NCAM2: variants seen among roughly 807,000 people sequenced by gnomAD.
NCAM2 encodes the protein N-CAM-2.
Under a neutral mutation model 98.1 loss-of-function variants are expected in NCAM2, and 30 were observed. The observed-to-expected ratio is 0.31, with a 90% CI of 0.23 to 0.41. The LOEUF (loss-of-function observed/expected upper bound fraction) is 0.41, where lower values mean the gene tolerates loss of function less well. NCAM2 is among the 10% of genes least tolerant of loss of function. NCAM2 has a pLI of 1.00. For missense variants in NCAM2, 867 were observed against 1,005.8 expected (o/e 0.86, Z 1.87); for synonymous variants, 368 against 342.4 (o/e 1.07, Z -0.83).
intron 1 of NCAM2, among the ~76,000 whole-genome samples, chr21:21,050,945 A>C (rs1363900707): frequency 6.6e-6 from 1 of 152,208 alleles, no homozygotes; most frequent in African/African-American, 2.4e-5. Flanking sequence ...AGCATGATAC[A>C]TTTGATTTCC....
intron 6 of NCAM2, among the ~76,000 whole-genome samples, chr21:21,327,937 A>G (rs2074563333): frequency 6.6e-6 from 1 of 152,228 alleles, no homozygotes; most frequent in South Asian, 2.1e-4. Flanking sequence ...AGTGACTCTA[A>G]AGGTTCCCCC....
In NCAM2 at chr21:21,537,881, C is replaced by T; in HGVS notation, c.2438C>T (p.Ala813Val). The T allele has an allele frequency of 6.3e-7, 1 of 1,575,284 alleles. No individual in the cohort carries two copies. Among genetic ancestry groups the T allele is most frequent in the Non-Finnish European group, 8.6e-7 (1 of 1,160,352 alleles). ...TTAAAGGAAGAAGATGGGAAAGAAG[C>T]TCTAAATCCAGAAACTATAGAAATT... ...LPLKEEDGKE[A>V]LNPETIEIKV... Residue 813 changes from alanine (A) to valine (V), a missense_variant, in exon 18 of 18, where the codon GCT (alanine) becomes GTT (valine). Physicochemically the swap from Ala to Val is moderately conservative, Grantham distance 64. Coordinates refer to ENST00000400546, the MANE Select transcript of NCAM2 (RefSeq NM_004540.5).
chr21:21,053,611 A>C (rs1011355453), intron 1 of NCAM2, among the ~76,000 whole-genome samples: 2 of 151,012 alleles, frequency 1.3e-5, no homozygotes, highest in Non-Finnish European at 3.0e-5. Context: ...ACATATATGC[A>C]TATGCCCCTT....
At position 21,538,107 on chromosome 21, in the gene NCAM2, C is replaced by G. The variant is rs966943189; in HGVS notation, c.*150C>G. On this transcript the variant is annotated 3_prime_UTR_variant, in exon 18 of 18. Transcript: ENST00000400546. The stretch of plus-strand genomic sequence containing the variant: ...ATATACATATGATCAAATACTCCTG[C>G]CCATGATCCATTCCCTTTTGTTATT... The G allele has an allele frequency of 5.0e-6, 2 of 403,506 alleles. No homozygotes were observed. Among genetic ancestry groups the G allele is most frequent in the Non-Finnish European group, 9.1e-6 (2 of 220,724 alleles). 25.0% of individuals were successfully genotyped at this position (403,506 alleles called of 1,614,324 possible). A position where few individuals can be genotyped will look rare whatever the true frequency, so the allele number is the denominator to read the frequency against.
At chr21:21,109,774 A>G (rs2066419402) in intron 1 of NCAM2, among the ~76,000 whole-genome samples, 1 of 152,186 alleles carries the variant, frequency 6.6e-6, no homozygotes, top group Admixed American at 6.5e-5. Flanking sequence ...AAGAGTGTCT[A>G]ATTCATCCCT....
rs1568780201 is a variant in NCAM2 at position 21,214,744 on chromosome 21, T to TTCC, written c.56-65834_56-65833insTCC. 2.9e-3 allele frequency among the ~76,000 whole-genome samples: 243 copies of TTCC among 83,310 alleles called. 1 individual carries two copies. Among genetic ancestry groups the TTCC allele is most frequent in the African/African-American group, 7.4e-3 (228 of 30,608 alleles). 54.7% of individuals were successfully genotyped at this position (83,310 alleles called of 152,430 possible). Reference sequence around the variant, plus strand: ...TTCCATATATATATATATATATATATATACACTATATATACACATATATGT... The same window carrying TTCC: ...TTCCATATATATATATATATATATATTCCATACACTATATATACACATATATGT... On this transcript the variant is annotated intron_variant, in intron 1 of 17. Transcript: ENST00000400546.
chr21:21,153,896 A>G (rs1314590215), intron 1 of NCAM2, among the ~76,000 whole-genome samples: 1 of 151,910 alleles, frequency 6.6e-6, no homozygotes, highest in Non-Finnish European at 1.5e-5. Flanking sequence ...TCAAAGTATG[A>G]CAGCCAAATA....
At chr21:21,293,385 T>C (rs2073364289) in intron 5 of NCAM2, among the ~76,000 whole-genome samples, 1 of 151,826 alleles carries the variant, frequency 6.6e-6, no homozygotes, top group Admixed American at 6.6e-5. Context: ...GTAATAATTC[T>C]TCAGTGTTTC....
intron 8 of NCAM2, among the ~76,000 whole-genome samples, chr21:21,356,152 TA>T (rs1463446127): frequency 1.3e-5 from 2 of 152,190 alleles, no homozygotes; most frequent in African/African-American, 4.8e-5. Context: ...GTTCCTTAAA[TA>T]CAACTACATG....
chr21:21,534,714 A>G, intron 17 of NCAM2, 58 bp downstream of exon 17: 2 of 1,341,416 alleles, frequency 1.5e-6, no homozygotes, highest in Non-Finnish European at 9.8e-7. Flanking sequence ...ATGATAACAC[A>G]TTATTATTGT....
chr21:21,202,460 A>C (rs1303985866), intron 1 of NCAM2, among the ~76,000 whole-genome samples: 1 of 107,798 alleles, frequency 9.3e-6, no homozygotes, highest in Admixed American at 1.5e-4. Context: ...TTTGTTGCCC[A>C]GGCTGGAGTG....
chr21:21,320,267 C>T (rs113213651), intron 5 of NCAM2, among the ~76,000 whole-genome samples: 5 of 152,300 alleles, frequency 3.3e-5, no homozygotes, highest in African/African-American at 1.2e-4. Context: ...GAAGACCACT[C>T]AGCTACATTT....
chr21:21,382,615 A>G (rs2076180780), intron 9 of NCAM2, among the ~76,000 whole-genome samples: 2 of 151,480 alleles, frequency 1.3e-5, no homozygotes, highest in Admixed American at 6.6e-5. Flanking sequence ...TCCTGGGTTC[A>G]AGCGATTCTC....
At chr21:21,438,766 A>C (rs897101624) in intron 12 of NCAM2, among the ~76,000 whole-genome samples, 3 of 151,978 alleles carry the variant, frequency 2.0e-5, no homozygotes, top group Non-Finnish European at 4.4e-5. Context: ...CAGTTTTCTT[A>C]ATACAAATGA....
intron 16 of NCAM2, among the ~76,000 whole-genome samples, chr21:21,520,443 A>C (rs1017013350): frequency 6.6e-6 from 1 of 152,152 alleles, no homozygotes; most frequent in Non-Finnish European, 1.5e-5. Flanking sequence ...TTCTTCAGGC[A>C]GAGGGAATGG....
intron 16 of NCAM2, among the ~76,000 whole-genome samples, chr21:21,510,822 T>C (rs1039243256): frequency 1.3e-5 from 2 of 152,086 alleles, no homozygotes; most frequent in Non-Finnish European, 2.9e-5. Context: ...TTAGCTATTA[T>C]CAGTGTACAG....
intron 1 of NCAM2, among the ~76,000 whole-genome samples, chr21:21,060,037 C>G (rs1422068056): frequency 6.6e-6 from 1 of 151,992 alleles, no homozygotes. Flanking sequence ...TTTCACATGT[C>G]AGCCATTCAC....
At chr21:21,493,995 T>C (rs1987033073) in intron 15 of NCAM2, among the ~76,000 whole-genome samples, 1 of 151,914 alleles carries the variant, frequency 6.6e-6, no homozygotes, top group Admixed American at 6.6e-5. Flanking sequence ...TTGATGTTTT[T>C]GTATAACTCT....
chr21:21,186,582 C>T (rs1468244047), intron 1 of NCAM2, among the ~76,000 whole-genome samples: 1 of 151,896 alleles, frequency 6.6e-6, no homozygotes, highest in African/African-American at 2.4e-5. Context: ...ACCTGTGAAC[C>T]TCAAGAAATT....
Sources: allele counts gnomAD v4.1 joint callset (sites outside exome capture counted in the v4.1 genomes callset), GRCh38; gene constraint gnomAD v4.1.1; transcripts MANE v1.5; gene names NCBI Gene and HGNC (gene_info 2026-07-23, HGNC 2026-07-21).